The following GALNTL6 variants were observed in gnomAD, a reference collection of about 807,000 sequenced individuals.
GALNTL6 encodes the protein polypeptide N-acetylgalactosaminyltransferase like 6.
Under a neutral mutation model 73.7 loss-of-function variants are expected in GALNTL6, and 46 were observed. The observed-to-expected ratio is 0.62, with a 90% CI of 0.49 to 0.80. GALNTL6 has a LOEUF of 0.80. Ranked by LOEUF, GALNTL6 falls within the 30% of genes least tolerant of loss-of-function variation. GALNTL6 has a pLI of 0.00. For synonymous variants in GALNTL6, 259 were observed against 263.7 expected, an observed-to-expected ratio of 0.98 and a Z score of 0.17; for missense variants, 604 against 755.0, an observed-to-expected ratio of 0.80 and a Z score of 2.34.
At chr4:171,927,645 T>C (rs971821048) in intron 2 of GALNTL6, among the ~76,000 whole-genome samples, 1 of 152,092 alleles carries the variant, frequency 6.6e-6, no homozygotes, top group African/African-American at 2.4e-5. Context: ...TTGTCCTTTC[T>C]CTTGTTCTGC....
intron 5 of GALNTL6, among the ~76,000 whole-genome samples, chr4:172,476,922 CTTTTTTTTT>C (rs149479550): frequency 0.13 from 15,321 of 113,904 alleles, 878 homozygotes; most frequent in East Asian, 0.26. Flanking sequence ...GCTTAAGAGA[CTTTTTTTTT>C]TTTTTTTTTT....
At chr4:172,443,162 A>ATATG (rs1731899525) in intron 5 of GALNTL6, among the ~76,000 whole-genome samples, 1 of 97,808 alleles carries the variant, frequency 1.0e-5, no homozygotes, top group Non-Finnish European at 2.0e-5. Flanking sequence ...ATATATATAT[A>ATATG]TTTCTTTTTT....
Position 173,039,984 on chromosome 4 carries a change from G to T in GALNTL6, c.1690G>T (p.Ala564Ser). ...CAACAGCTGCATGGATTGCAACCCC[G>T]CAGAGAAGAAGATTTTCATGGCCAG... ...VSNSCMDCNPAEKKIFMARCD... is the reference protein window; with the variant it reads ...VSNSCMDCNPSEKKIFMARCD... The change falls in exon 13 of 13, where the codon GCA (alanine) becomes TCA (serine). Residue 564 changes from alanine to serine, a missense_variant. By Grantham distance (99) the Ala-to-Ser change is moderately conservative. Around this residue, in one of 5 missense-constraint regions of GALNTL6, gnomAD observed 261 missense variants for 296.5 expected, o/e 0.88. Coordinates refer to ENST00000506823, the MANE Select transcript of GALNTL6 (RefSeq NM_001034845.3). The T allele has an allele frequency of 6.2e-7, 1 of 1,613,710 alleles. No homozygotes were observed. Among genetic ancestry groups the T allele is most frequent in the Non-Finnish European group, 8.5e-7 (1 of 1,179,686 alleles).
At chr4:172,207,858 G>A (rs1201287835) in intron 2 of GALNTL6, among the ~76,000 whole-genome samples, 1 of 152,160 alleles carries the variant, frequency 6.6e-6, no homozygotes, top group Non-Finnish European at 1.5e-5. Flanking sequence ...AGTTTGTTAT[G>A]ATTATTCCTA....
intron 5 of GALNTL6, among the ~76,000 whole-genome samples, chr4:172,568,800 C>T (rs1361906890): frequency 1.4e-4 from 21 of 149,156 alleles, no homozygotes; most frequent in African/African-American, 4.7e-4. Flanking sequence ...TGAACATCTA[C>T]GTCAAGCTTG....
intron 2 of GALNTL6, among the ~76,000 whole-genome samples, chr4:171,886,102 A>T (rs1386263564): frequency 3.9e-5 from 6 of 152,072 alleles, no homozygotes; most frequent in East Asian, 1.9e-4. Context: ...CTACATAATT[A>T]AAAAAATACC....
intron 2 of GALNTL6, among the ~76,000 whole-genome samples, chr4:171,846,359 TTCTTA>T (rs962607222): frequency 1.3e-5 from 2 of 152,176 alleles, no homozygotes; most frequent in African/African-American, 4.8e-5. Context: ...AGGGAACTAT[TTCTTA>T]TCTTCTCCTT....
chr4:171,834,622 C>T (rs1735054356), intron 2 of GALNTL6, among the ~76,000 whole-genome samples: 1 of 151,982 alleles, frequency 6.6e-6, no homozygotes, highest in South Asian at 2.1e-4. Context: ...ATTTAACACA[C>T]ATTTACAATA....
chr4:172,214,748 C>G (rs147949639), intron 2 of GALNTL6, among the ~76,000 whole-genome samples: 24 of 152,126 alleles, frequency 1.6e-4, no homozygotes, highest in African/African-American at 5.5e-4. Flanking sequence ...CTCCTGACCT[C>G]ATGATCGGCC....
At chr4:172,854,479 A>C (rs1744020101) in intron 7 of GALNTL6, among the ~76,000 whole-genome samples, 1 of 152,168 alleles carries the variant, frequency 6.6e-6, no homozygotes, top group Non-Finnish European at 1.5e-5. Flanking sequence ...AGATGTATGG[A>C]GCCTTTTATG....
intron 4 of GALNTL6, among the ~76,000 whole-genome samples, chr4:172,313,801 C>T (rs760673824): frequency 2.5e-4 from 38 of 152,026 alleles, no homozygotes; most frequent in East Asian, 1.9e-4. Context: ...AGAAAAAATA[C>T]GAAAACAAAC....
chr4:172,063,448 T>G (rs1379838380), intron 2 of GALNTL6, among the ~76,000 whole-genome samples: 2 of 151,300 alleles, frequency 1.3e-5, no homozygotes, highest in Non-Finnish European at 2.9e-5. Context: ...ATTTCTAGTT[T>G]TTTCTATAAC....
chr4:172,594,228 C>A (rs564775460), intron 5 of GALNTL6, among the ~76,000 whole-genome samples: 1 of 152,122 alleles, frequency 6.6e-6, no homozygotes, highest in African/African-American at 2.4e-5. Flanking sequence ...CGCCTGAAAT[C>A]CCAGCTACTC....
Position 172,100,376 on chromosome 4 carries a change from T to G in GALNTL6, c.139-129280T>G, listed in dbSNP as rs1001107664. On this transcript the variant is annotated intron_variant, in intron 2 of 12. Transcript: ENST00000506823. ...TGTTAACTGAGTTTCAGTTGCATAG[T>G]AGGTGCTCAATACATAATTGTTGAG... 4.9e-4 allele frequency among the ~76,000 whole-genome samples: 74 copies of G among 152,110 alleles called. 3 individuals are homozygous for G.
chr4:172,528,985 A>AGG (rs1735074857), intron 5 of GALNTL6, among the ~76,000 whole-genome samples: 1 of 31,444 alleles, frequency 3.2e-5, no homozygotes, highest in Non-Finnish European at 5.6e-5. Context: ...ATTTATACAT[A>AGG]TGTGTGTATA....
intron 5 of GALNTL6, among the ~76,000 whole-genome samples, chr4:172,516,307 C>G (rs1026371196): frequency 6.6e-6 from 1 of 152,136 alleles, no homozygotes; most frequent in Admixed American, 6.5e-5. Flanking sequence ...ATATTTGTAA[C>G]AAGCTACCTA....
At chr4:172,946,273 A>G (rs936051838) in intron 9 of GALNTL6, among the ~76,000 whole-genome samples, 7 of 152,192 alleles carry the variant, frequency 4.6e-5, no homozygotes, top group Non-Finnish European at 1.0e-4. Context: ...TGCACAAAGA[A>G]ATAGAAACAC....
chr4:172,488,843 G>A (rs1416012167), intron 5 of GALNTL6, among the ~76,000 whole-genome samples: 1 of 132,902 alleles, frequency 7.5e-6, no homozygotes, highest in African/African-American at 2.7e-5. Context: ...CTGGGGTGGG[G>A]GTGGGGGGTG....
chr4:171,956,136 G>A (rs1739041933), intron 2 of GALNTL6, among the ~76,000 whole-genome samples: 1 of 151,970 alleles, frequency 6.6e-6, no homozygotes, highest in Non-Finnish European at 1.5e-5. Flanking sequence ...CAGAGTAGCG[G>A]GACTACAGGC....
Sources: allele counts gnomAD v4.1 joint callset (sites outside exome capture counted in the v4.1 genomes callset), GRCh38; gene constraint gnomAD v4.1.1; regional missense constraint gnomAD v4.1.1; transcripts MANE v1.5; gene names NCBI Gene and HGNC (gene_info 2026-07-23, HGNC 2026-07-21).